The following CEP44 variants were observed in gnomAD, a reference collection of about 807,000 sequenced individuals.
The protein encoded by CEP44 is centrosomal protein 44.
Under a neutral mutation model 46.7 loss-of-function variants are expected in CEP44, and 45 were observed. The observed-to-expected ratio is 0.96, with a 90% CI of 0.76 to 1.24. CEP44 has a LOEUF of 1.24. Ranked by LOEUF, CEP44 falls within the 50% of genes most tolerant of loss-of-function variation. The probability of loss-of-function intolerance (pLI) is 0.00; values close to 1 mark genes in which losing one functional copy is unlikely to be tolerated. For synonymous variants in CEP44, 142 were observed against 146.0 expected, an observed-to-expected ratio of 0.97 and a Z score of 0.20; for missense variants, 475 against 459.7, an observed-to-expected ratio of 1.03 and a Z score of -0.30.
intron 9 of CEP44, among the ~76,000 whole-genome samples, chr4:174,313,110 G>A (rs1327999706): frequency 2.0e-5 from 3 of 152,124 alleles, no homozygotes; most frequent in Non-Finnish European, 2.9e-5. Flanking sequence ...AAGTACTCAT[G>A]TTAGGCAAGG....
At position 174,287,589 on chromosome 4, in the gene CEP44, T is replaced by C. The variant is rs1414883028; in HGVS notation, c.-148+3646T>C. On this transcript the variant is annotated intron_variant, in intron 1 of 11. Transcript: ENST00000503780. The surrounding 1 kb of genome is among the most constrained non-coding windows in gnomAD (Gnocchi z 5.1). ...GTTATTTGTTGCTTTCTATAATATT[T>C]TAAATTAACTAAATCACACACATTC... 6.6e-6 allele frequency among the ~76,000 whole-genome samples: 1 copy of C among 152,176 alleles called. No homozygotes were observed. Among genetic ancestry groups the C allele is most frequent in the Non-Finnish European group, 1.5e-5 (1 of 68,032 alleles).
chr4:174,304,449 G>T, intron 6 of CEP44, 80 bp downstream of exon 6: 1 of 1,522,040 alleles, frequency 6.6e-7, no homozygotes, highest in South Asian at 1.3e-5. Context: ...TTTTCTGATT[G>T]GCACCTGATG....
In CEP44 at chr4:174,320,114, G is replaced by C. The variant is rs999533695; in HGVS notation, c.*2731G>C. 1.2e-5 allele frequency: 12 copies of C among 985,158 alleles called. No homozygotes were observed. The East Asian group carries it at 1.1e-3, about 93-fold the overall frequency. 61.0% of individuals were successfully genotyped at this position (985,158 alleles called of 1,614,324 possible). A position where few individuals can be genotyped will look rare whatever the true frequency, so the allele number is the denominator to read the frequency against. ...TATGTTATGCTCTGAATAGGTCTCGGTAAAGATTATATGGAAATACTATAA... is the reference window on the plus strand; with the variant it reads ...TATGTTATGCTCTGAATAGGTCTCGCTAAAGATTATATGGAAATACTATAA... On this transcript the variant is annotated 3_prime_UTR_variant, in exon 12 of 12. Coordinates refer to ENST00000503780, the MANE Select transcript of CEP44 (RefSeq NM_001040157.3).
chr4:174,306,797 T>C (rs1439431381), intron 6 of CEP44, among the ~76,000 whole-genome samples: 1 of 152,086 alleles, frequency 6.6e-6, no homozygotes, highest in Non-Finnish European at 1.5e-5. Flanking sequence ...CAAAAATTGC[T>C]AGCAATCTTA....
At chr4:174,298,349 G>A (rs1278097556) in intron 2 of CEP44, among the ~76,000 whole-genome samples, 1 of 150,998 alleles carries the variant, frequency 6.6e-6, no homozygotes, top group African/African-American at 2.4e-5. Context: ...CTAATTTTTT[G>A]TATTTTTAGT....
downstream of CEP44, among the ~76,000 whole-genome samples, chr4:174,320,704 A>ATGTGTGTGTGTGTGTGTGTGTATGTGTG (rs796604982): frequency 2.0e-4 from 25 of 125,240 alleles, no homozygotes; most frequent in Non-Finnish European, 3.0e-4. Flanking sequence ...GTGTGTGTGT[A>ATGTGTGTGTGTGTGTGTGTGTATGTGTG]TGTGTGTGTG....
rs1208425482 is a variant in CEP44, at chr4:174,291,782, C to CTTTTTTT, written c.-147-6180_-147-6179insTTTTTTT. On this transcript the variant is annotated intron_variant, in intron 1 of 11. Transcript: ENST00000503780. ...GTTTTCTTTATTCTTTTATCTTTTT[C>CTTTTTTT]TTTTCTTTTTTTTTTTTTTTTTTTT... is the stretch of plus-strand genomic sequence containing the variant. Among the ~76,000 whole-genome samples the CTTTTTTT allele has an allele frequency of 3.8e-4, 31 of 81,630 alleles. 2 individuals are homozygous for CTTTTTTT. The highest frequency in any genetic ancestry group is 2.2e-3 in the South Asian group (5 of 2,308). 53.6% of individuals were successfully genotyped at this position (81,630 alleles called of 152,430 possible). A position where few individuals can be genotyped will look rare whatever the true frequency, so the allele number is the denominator to read the frequency against.
At chr4:174,315,790 G>A (rs1214619460) in intron 9 of CEP44, among the ~76,000 whole-genome samples, 1 of 146,878 alleles carries the variant, frequency 6.8e-6, no homozygotes, top group Non-Finnish European at 1.5e-5. Flanking sequence ...GCAGTGAGCC[G>A]AGATCGCGCC....
intron 6 of CEP44, among the ~76,000 whole-genome samples, chr4:174,305,589 C>G (rs950110842): frequency 6.6e-6 from 1 of 152,180 alleles, no homozygotes; most frequent in African/African-American, 2.4e-5. Context: ...TACAAAGCCG[C>G]CATTTTTGAA....
chr4:174,304,017 ACTC>A (rs1214468946), intron 5 of CEP44, among the ~76,000 whole-genome samples, 168 bp downstream of exon 5: 1 of 152,010 alleles, frequency 6.6e-6, no homozygotes. Flanking sequence ...TTTAAATACT[ACTC>A]TCTTGTTTTA....
At chr4:174,308,430 A>G (rs907796145) in intron 6 of CEP44, among the ~76,000 whole-genome samples, 20 of 152,134 alleles carry the variant, frequency 1.3e-4, no homozygotes, top group African/African-American at 4.6e-4. Flanking sequence ...AAATGATGAG[A>G]TCACATGGAC....
At chr4:174,289,925 G>A (rs749636444) in intron 1 of CEP44, among the ~76,000 whole-genome samples, 1 of 150,680 alleles carries the variant, frequency 6.6e-6, no homozygotes, top group Non-Finnish European at 1.5e-5. Context: ...TGCAACCTCC[G>A]CCTCCCGGGT....
chr4:174,305,325 G>C (rs1167427699), intron 6 of CEP44, among the ~76,000 whole-genome samples: 1 of 152,026 alleles, frequency 6.6e-6, no homozygotes, highest in Non-Finnish European at 1.5e-5. Context: ...GTGGTAGCTG[G>C]TGCCTGTAAC....
Position 174,320,117 on chromosome 4 carries a change from A to AC in CEP44, c.*2734_*2735insC, listed in dbSNP as rs1742178434. On this transcript the variant is annotated 3_prime_UTR_variant, in exon 12 of 12. Coordinates refer to ENST00000503780, the MANE Select transcript of CEP44 (RefSeq NM_001040157.3). Reference sequence around the variant, plus strand: ...GTTATGCTCTGAATAGGTCTCGGTAAAGATTATATGGAAATACTATAAAGA... The same window carrying AC: ...GTTATGCTCTGAATAGGTCTCGGTAACAGATTATATGGAAATACTATAAAGA... The AC allele has an allele frequency of 1.0e-6, 1 of 985,350 alleles. No homozygotes were observed. The highest frequency in any genetic ancestry group is 1.7e-5 in the African/African-American group (1 of 57,342). 61.0% of individuals were successfully genotyped at this position (985,350 alleles called of 1,614,324 possible). A position where few individuals can be genotyped will look rare whatever the true frequency, so the allele number is the denominator to read the frequency against.
intron 1 of CEP44, among the ~76,000 whole-genome samples, chr4:174,295,989 A>G (rs186445169): frequency 1.6e-3 from 251 of 152,250 alleles, no homozygotes; most frequent in Non-Finnish European, 2.4e-3. Flanking sequence ...TGTGGCTTAC[A>G]TTGATTTTTA....
intron 1 of CEP44, among the ~76,000 whole-genome samples, chr4:174,284,849 A>G (rs1328907584): frequency 6.6e-6 from 1 of 152,228 alleles, no homozygotes; most frequent in Non-Finnish European, 1.5e-5. Flanking sequence ...TTTAGATAAT[A>G]TCGAGCATTA....
chr4:174,322,019 T>C (rs183030788), downstream of CEP44, among the ~76,000 whole-genome samples: 101 of 152,238 alleles, frequency 6.6e-4, no homozygotes, highest in Non-Finnish European at 1.2e-3. Context: ...AATCTGATTA[T>C]TGTTTTTAAA....
chr4:174,318,463 T>A lies in CEP44; in HGVS notation c.*1080T>A. Reference sequence around the variant, plus strand: ...ATTTTTTGGAGAGAAAAGTCTTAGCTGAAGGTAAATCAATGGAAAAATGAA... The same window carrying A: ...ATTTTTTGGAGAGAAAAGTCTTAGCAGAAGGTAAATCAATGGAAAAATGAA... On this transcript the variant is annotated 3_prime_UTR_variant, in exon 12 of 12. Coordinates refer to ENST00000503780, the MANE Select transcript of CEP44 (RefSeq NM_001040157.3). The A allele has an allele frequency of 1.0e-6, 1 of 970,232 alleles. No individual in the cohort carries two copies. Among genetic ancestry groups the A allele is most frequent in the Non-Finnish European group, 1.2e-6 (1 of 816,330 alleles). The allele number at this position is 970,232 out of a possible 1,614,324, so 60.1% of individuals were successfully genotyped here. A position where few individuals can be genotyped will look rare whatever the true frequency, so the allele number is the denominator to read the frequency against.
intron 1 of CEP44, among the ~76,000 whole-genome samples, chr4:174,294,130 G>A (rs1227292939): frequency 2.6e-5 from 4 of 151,068 alleles, no homozygotes; most frequent in South Asian, 2.1e-4. Flanking sequence ...AGTGGAGGGA[G>A]GGTCAGCAGA....
Sources: allele counts gnomAD v4.1 joint callset (sites outside exome capture counted in the v4.1 genomes callset), GRCh38; gene constraint gnomAD v4.1.1; non-coding constraint Gnocchi (gnomAD v3.1); transcripts MANE v1.5; gene names NCBI Gene and HGNC (gene_info 2026-07-23, HGNC 2026-07-21).